Variants in PCDHGB3 observed in about 807,000 individuals in gnomAD.
PCDHGB3 encodes protocadherin gamma-B3.
Under a neutral mutation model 59.2 loss-of-function variants are expected in PCDHGB3, and 40 were observed. The observed-to-expected ratio is 0.68, with a 90% CI of 0.52 to 0.88. The LOEUF (loss-of-function observed/expected upper bound fraction) is 0.88. Ranked by LOEUF, PCDHGB3 falls within the 40% of genes least tolerant of loss-of-function variation. The pLI is 0.00. For missense variants in PCDHGB3, 1,309 were observed against 1,187.9 expected, an observed-to-expected ratio of 1.10 and a Z score of -1.50; for synonymous variants, 581 against 503.6, an observed-to-expected ratio of 1.15 and a Z score of -2.06.
In PCDHGB3 at chr5:141,511,224, G is replaced by T. The variant is rs752401867; in HGVS notation, c.*51G>T. On this transcript the variant is annotated 3_prime_UTR_variant, in exon 4 of 4. Coordinates refer to ENST00000576222, the MANE Select transcript of PCDHGB3 (RefSeq NM_018924.5). ...GGGCGGCCTCTCCCCAACCAGCCCA[G>T]CTTCTCCTTACCTGCACCCAGGCCT... is the stretch of plus-strand genomic sequence containing the variant. 44 of 1,603,158 alleles carry T rather than the reference G, an allele frequency of 2.7e-5. No individual in the cohort carries two copies. Among genetic ancestry groups the T allele is most frequent in the Non-Finnish European group, 3.6e-5 (42 of 1,174,924 alleles).
chr5:141,483,121 T>C (rs922863446), intron 1 of PCDHGB3, among the ~76,000 whole-genome samples: 1 of 152,052 alleles, frequency 6.6e-6, no homozygotes, highest in Admixed American at 6.6e-5. Flanking sequence ...ACAGTCTTTG[T>C]AGGAGATGAG....
In PCDHGB3 at chr5:141,493,550, T is replaced by C. The variant is rs978188511; in HGVS notation, c.2416-1257T>C. On this transcript the variant is annotated intron_variant, in intron 1 of 3. Coordinates refer to ENST00000576222, the MANE Select transcript of PCDHGB3 (RefSeq NM_018924.5). This position sits in a 1 kb window ranked among gnomAD's most constrained non-coding sequence, Gnocchi z 4.3. Reference sequence around the variant, plus strand: ...ACTTGGCCAGTTATCCTTTTGGAGATTGAGTTCCCCCAGCTCCGTTTCCTC... The same window carrying C: ...ACTTGGCCAGTTATCCTTTTGGAGACTGAGTTCCCCCAGCTCCGTTTCCTC... Among the ~76,000 whole-genome samples the C allele has an allele frequency of 1.3e-5, 2 of 152,172 alleles. No homozygotes were observed. The highest frequency in any genetic ancestry group is 2.4e-5 in the African/African-American group (1 of 41,430).
intron 1 of PCDHGB3, chr5:141,410,799 C>A: frequency 1.8e-6 from 1 of 560,610 alleles, no homozygotes; most frequent in Non-Finnish European, 2.6e-6. Flanking sequence ...ATAAGTTGCT[C>A]TATCTTTTTG....
At position 141,491,067 on chromosome 5, in the gene PCDHGB3, G is replaced by T. The variant is rs752758445; in HGVS notation, c.2416-3740G>T. On this transcript the variant is annotated intron_variant, in intron 1 of 3. Transcript: ENST00000576222. The surrounding 1 kb of genome is among the most constrained non-coding windows in gnomAD (Gnocchi z 6.9). Reference sequence around the variant, plus strand: ...ACAATGCGTGGCTCTCCTACTCACTGTTGCCACAGTCCACAGCCCCAGGAC... The same window carrying T: ...ACAATGCGTGGCTCTCCTACTCACTTTTGCCACAGTCCACAGCCCCAGGAC... 1.2e-6 allele frequency: 2 copies of T among 1,614,200 alleles called. No homozygotes were observed. The highest frequency in any genetic ancestry group is 1.7e-6 in the Non-Finnish European group (2 of 1,180,040).
chr5:141,410,185 T>A lies in PCDHGB3; in HGVS notation c.2415+37376T>A, dbSNP rs373680185. 10 of 1,613,812 alleles carry A rather than the reference T, an allele frequency of 6.2e-6. No individual in the cohort carries two copies. The African/African-American group carries it at 1.3e-4, about 22-fold the overall frequency. On this transcript the variant is annotated intron_variant, in intron 1 of 3. Transcript: ENST00000576222. ...CACTCTCTGCCACCGCCACGCTTCA[T>A]CTGGTCTTCGCAGACAACTTGCAAG...
At chr5:141,397,824 A>G (rs2093574037) in intron 1 of PCDHGB3, among the ~76,000 whole-genome samples, 3 of 152,240 alleles carry the variant, frequency 2.0e-5, no homozygotes, top group Admixed American at 2.0e-4. Flanking sequence ...CAATTACTGC[A>G]CTGGTTAACT....
rs761264372 is a variant in PCDHGB3 at position 141,489,500 on chromosome 5, A to G, written c.2416-5307A>G. 12 of 1,614,112 alleles carry G rather than the reference A, an allele frequency of 7.4e-6. No individual in the cohort carries two copies. In the South Asian group the frequency reaches 1.3e-4, roughly 18 times the overall value. On this transcript the variant is annotated intron_variant, in intron 1 of 3. Coordinates refer to ENST00000576222, the MANE Select transcript of PCDHGB3 (RefSeq NM_018924.5). This position sits in a 1 kb window ranked among gnomAD's most constrained non-coding sequence, Gnocchi z 4.5. ...TTGATGAGTGGTGCCCTGGCAGTGA[A>G]TCAAAAGATTGACCGAGAAAGCCTA...
In PCDHGB3 at chr5:141,432,695, G is replaced by A. The variant is rs1275179569; in HGVS notation, c.2415+59886G>A. ...GCTCAAGCAGAGCCTCGTAGTGGCC[G>A]TCCAGGACCACGGCCAGCCCCCTCT... On this transcript the variant is annotated intron_variant, in intron 1 of 3. Coordinates refer to ENST00000576222, the MANE Select transcript of PCDHGB3 (RefSeq NM_018924.5). This position sits in a 1 kb window ranked among gnomAD's most constrained non-coding sequence, Gnocchi z 6.0. The A allele has an allele frequency of 3.1e-6, 5 of 1,613,822 alleles. No homozygotes were observed. The highest frequency in any genetic ancestry group is 1.7e-5 in the Admixed American group (1 of 60,002).
At chr5:141,450,770 AG>A (rs1354382498) in intron 1 of PCDHGB3, among the ~76,000 whole-genome samples, 1 of 151,448 alleles carries the variant, frequency 6.6e-6, no homozygotes, top group Non-Finnish European at 1.5e-5. Context: ...TACAGGCATG[AG>A]CCACCGTGCC....
rs1029546280 is a variant in PCDHGB3 at position 141,423,551 on chromosome 5, A to G, written c.2415+50742A>G. On this transcript the variant is annotated intron_variant, in intron 1 of 3. Coordinates refer to ENST00000576222, the MANE Select transcript of PCDHGB3 (RefSeq NM_018924.5). ...AGTCACCTGATTTTCCCCCAGCCCA[A>G]CTATGGGGACACGCTCATCAGCCAG... The G allele has an allele frequency of 2.5e-6, 4 of 1,613,498 alleles. No individual in the cohort carries two copies. The African/African-American group carries it at 5.3e-5, about 22-fold the overall frequency.
At chr5:141,497,203 G>A (rs750138875) in intron 2 of PCDHGB3, among the ~76,000 whole-genome samples, 25 of 91,718 alleles carry the variant, frequency 2.7e-4, no homozygotes, top group Non-Finnish European at 4.9e-4. Flanking sequence ...AACAATGTGA[G>A]TGTAATGGGG....
intron 1 of PCDHGB3, chr5:141,376,012 G>A: frequency 6.2e-7 from 1 of 1,613,402 alleles, no homozygotes; most frequent in Non-Finnish European, 8.5e-7. Flanking sequence ...AGAGCCTAGT[G>A]GTGGCCGTCC....
rs551330964 is a variant in PCDHGB3, at chr5:141,388,155, G to T, written c.2415+15346G>T. On this transcript the variant is annotated intron_variant, in intron 1 of 3. Coordinates refer to ENST00000576222, the MANE Select transcript of PCDHGB3 (RefSeq NM_018924.5). ...GGAGTTGCTTGTGAGCAGCAGGCTA[G>T]ACAGGGAGGAGATATGCGGGAAGAA... is the stretch of plus-strand genomic sequence containing the variant. The T allele has an allele frequency of 1.2e-5, 18 of 1,469,902 alleles. No homozygotes were observed. The African/African-American group carries it at 2.5e-4, about 21-fold the overall frequency. 91.1% of individuals were successfully genotyped at this position (1,469,902 alleles called of 1,614,324 possible). A position where few individuals can be genotyped will look rare whatever the true frequency, so the allele number is the denominator to read the frequency against.
rs775284049 is a variant in PCDHGB3 at position 141,431,448 on chromosome 5, T to C, written c.2415+58639T>C. On this transcript the variant is annotated intron_variant, in intron 1 of 3. Coordinates refer to ENST00000576222, the MANE Select transcript of PCDHGB3 (RefSeq NM_018924.5). The surrounding 1 kb of genome is among the most constrained non-coding windows in gnomAD (Gnocchi z 4.8). ...CGCACAGGCACCGCGCGCATCCGCG[T>C]GATGGTTCTGGATGCGAACGACAAC... 2.5e-6 allele frequency: 4 copies of C among 1,613,706 alleles called. No individual in the cohort carries two copies. The South Asian group carries it at 4.4e-5, about 18-fold the overall frequency.
At chr5:141,503,133 C>A (rs1164077875) in intron 2 of PCDHGB3, among the ~76,000 whole-genome samples, 1 of 152,002 alleles carries the variant, frequency 6.6e-6, no homozygotes, top group Non-Finnish European at 1.5e-5. Context: ...CTGGTAGCCC[C>A]TGACACAGCC....
chr5:141,453,317 G>A (rs1218359210), intron 1 of PCDHGB3, among the ~76,000 whole-genome samples: 1 of 151,178 alleles, frequency 6.6e-6, no homozygotes, highest in Non-Finnish European at 1.5e-5. Flanking sequence ...ATTTATTTTA[G>A]AGATGGGGTC....
chr5:141,427,704 G>C (rs2097059746), intron 1 of PCDHGB3: 2 of 966,116 alleles, frequency 2.1e-6, no homozygotes, highest in Non-Finnish European at 3.2e-6. Context: ...ACAAGTCAGC[G>C]CCTCTGACCT....
At chr5:141,401,936 G>A (rs950687803) in intron 1 of PCDHGB3, among the ~76,000 whole-genome samples, 1 of 152,100 alleles carries the variant, frequency 6.6e-6, no homozygotes, top group African/African-American at 2.4e-5. Flanking sequence ...TTAGAATAAT[G>A]TTTAAGACCA....
At chr5:141,388,513 TGA>T in intron 1 of PCDHGB3, 2 of 1,613,840 alleles carry the variant, frequency 1.2e-6, no homozygotes, top group African/African-American at 2.7e-5. Flanking sequence ...TCCTACCACT[TGA>T]CTTTGACTGC....
Sources: allele counts gnomAD v4.1 joint callset (sites outside exome capture counted in the v4.1 genomes callset), GRCh38; gene constraint gnomAD v4.1.1; non-coding constraint Gnocchi (gnomAD v3.1); transcripts MANE v1.5; gene names NCBI Gene and HGNC (gene_info 2026-07-23, HGNC 2026-07-21).